SGIP1: variants seen among roughly 807,000 people sequenced by gnomAD.
SGIP1 encodes SH3-containing GRB2-like protein 3-interacting protein 1.
In SGIP1, 38 loss-of-function variants were observed where a neutral mutation model predicts 107.5. The observed-to-expected ratio is 0.35, with a 90% CI of 0.27 to 0.46. The LOEUF is 0.46. Among genes scored for constraint, SGIP1 ranks in the 20% least tolerant of loss-of-function variants. The probability of loss-of-function intolerance (pLI) is 1.00; values close to 1 mark genes in which losing one functional copy is unlikely to be tolerated. For missense variants in SGIP1, 929 were observed against 1,019.5 expected (o/e 0.91, Z 1.21); for synonymous variants, 365 against 366.1 (o/e 1.00, Z 0.03).
rs190011170 is a variant in SGIP1 at position 66,551,143 on chromosome 1, A to G, written c.10+16775A>G. 2.6e-5 allele frequency among the ~76,000 whole-genome samples: 4 copies of G among 152,260 alleles called. No homozygotes were observed. In the East Asian group the frequency reaches 7.7e-4, roughly 29 times the overall value. ...CAAATGATGAAGAGGTAATGAAACT[A>G]TTATTAAGGATGCCTTTGTTCTGGT... On this transcript the variant is annotated intron_variant, in intron 1 of 24. Coordinates refer to ENST00000371037, the MANE Select transcript of SGIP1 (RefSeq NM_032291.4).
intron 8 of SGIP1, among the ~76,000 whole-genome samples, chr1:66,665,236 C>T (rs566527797): frequency 6.6e-6 from 1 of 152,202 alleles, no homozygotes; most frequent in East Asian, 1.9e-4. Context: ...GGTTTTCTGT[C>T]CTTGCGATAG....
intron 1 of SGIP1, among the ~76,000 whole-genome samples, chr1:66,619,899 A>C (rs570351667): frequency 2.0e-5 from 3 of 152,340 alleles, no homozygotes; most frequent in East Asian, 3.8e-4. Flanking sequence ...AATAAAATAA[A>C]ATAGAAATAA....
At chr1:66,661,059 A>G (rs982677738) in intron 8 of SGIP1, among the ~76,000 whole-genome samples, 1 of 152,172 alleles carries the variant, frequency 6.6e-6, no homozygotes, top group African/African-American at 2.4e-5. Flanking sequence ...TATAAAATGT[A>G]AATTACCTCC....
chr1:66,623,398 C>T (rs140845542), intron 1 of SGIP1, among the ~76,000 whole-genome samples: 170 of 152,138 alleles, frequency 1.1e-3, no homozygotes, highest in African/African-American at 3.9e-3. Context: ...TACAGGTGTG[C>T]ACCACCACTC....
At position 66,743,197 on chromosome 1, in the gene SGIP1, C is replaced by T. The variant is rs1337481218; in HGVS notation, c.*102C>T. On this transcript the variant is annotated 3_prime_UTR_variant, in exon 25 of 25. Coordinates refer to ENST00000371037, the MANE Select transcript of SGIP1 (RefSeq NM_032291.4). ...TGATGAAAACAAACCAATATCTGCA[C>T]TTGGGATATATCAGGTGGAAAGTCA... 1.0e-5 allele frequency: 12 copies of T among 1,186,852 alleles called. No individual in the cohort carries two copies. The highest frequency in any genetic ancestry group is 1.5e-5 in the Non-Finnish European group (12 of 811,422). The allele number at this position is 1,186,852 out of a possible 1,614,324, so 73.5% of individuals were successfully genotyped here. A position where few individuals can be genotyped will look rare whatever the true frequency, so the allele number is the denominator to read the frequency against.
In SGIP1 at chr1:66,743,875, G is replaced by A. The variant is rs146200423; in HGVS notation, c.*780G>A. The A allele has an allele frequency of 6.6e-6, 1 of 152,666 alleles. No individual in the cohort carries two copies. 9.5% of individuals were successfully genotyped at this position (152,666 alleles called of 1,614,324 possible). A position where few individuals can be genotyped will look rare whatever the true frequency, so the allele number is the denominator to read the frequency against. Reference sequence around the variant, plus strand: ...TTAAATTATAATCAAGAGTAAAGAAGATGTTGAAGTCTTAACTACTTGCCC... The same window carrying A: ...TTAAATTATAATCAAGAGTAAAGAAAATGTTGAAGTCTTAACTACTTGCCC... On this transcript the variant is annotated 3_prime_UTR_variant, in exon 25 of 25. Coordinates refer to ENST00000371037, the MANE Select transcript of SGIP1 (RefSeq NM_032291.4).
intron 1 of SGIP1, among the ~76,000 whole-genome samples, chr1:66,575,137 T>C (rs567586977): frequency 6.6e-6 from 1 of 152,250 alleles, no homozygotes; most frequent in Admixed American, 6.5e-5. Flanking sequence ...TGGTGTATAA[T>C]TTTGTCCTTC....
rs934877020 is a variant in SGIP1, at chr1:66,748,449, A to G, written c.*5354A>G. On this transcript the variant is annotated 3_prime_UTR_variant, in exon 25 of 25. Transcript: ENST00000371037. The stretch of plus-strand genomic sequence containing the variant: ...TGAGTTGACCATGGTGAACCTCTTG[A>G]TTGGCCCTCACATTTAATATCTGAT... The G allele has an allele frequency of 2.0e-5, 3 of 151,910 alleles. No individual in the cohort carries two copies. The highest frequency in any genetic ancestry group is 2.0e-4 in the Admixed American group (3 of 15,248). 9.4% of individuals were successfully genotyped at this position (151,910 alleles called of 1,614,324 possible). A position where few individuals can be genotyped will look rare whatever the true frequency, so the allele number is the denominator to read the frequency against.
At chr1:66,646,435 ATTAT>A (rs1490124949) in intron 7 of SGIP1, among the ~76,000 whole-genome samples, 1 of 152,222 alleles carries the variant, frequency 6.6e-6, no homozygotes, top group Non-Finnish European at 1.5e-5. Flanking sequence ...CAAATAATAA[ATTAT>A]TCATAACAAT....
chr1:66,672,484 A>G (rs1199410198), intron 11 of SGIP1, among the ~76,000 whole-genome samples: 1 of 152,182 alleles, frequency 6.6e-6, no homozygotes, highest in East Asian at 1.9e-4. Context: ...GCATTGTTTT[A>G]TAAAAAGACT....
At chr1:66,731,348 G>A (rs1039354447) in intron 20 of SGIP1, among the ~76,000 whole-genome samples, 1 of 152,048 alleles carries the variant, frequency 6.6e-6, no homozygotes, top group Non-Finnish European at 1.5e-5. Flanking sequence ...AATATGACTG[G>A]TGTCATAGTT....
At chr1:66,566,190 G>A (rs1425681465) in intron 1 of SGIP1, among the ~76,000 whole-genome samples, 1 of 151,914 alleles carries the variant, frequency 6.6e-6, no homozygotes, top group African/African-American at 2.4e-5. Context: ...TTTCCCTAGC[G>A]GTAAACAACC....
intron 1 of SGIP1, among the ~76,000 whole-genome samples, chr1:66,621,975 G>A (rs186742872): frequency 1.3e-3 from 202 of 152,286 alleles, no homozygotes; most frequent in Non-Finnish European, 2.3e-3. Context: ...GGTTTTTGAA[G>A]AAATCTGATG....
In SGIP1 at chr1:66,592,897, C is replaced by CTTTTT. The variant is rs35762612; in HGVS notation, c.11-32924_11-32920dup. 2.4e-3 allele frequency among the ~76,000 whole-genome samples: 133 copies of CTTTTT among 56,342 alleles called. 3 individuals are homozygous for CTTTTT. The highest frequency in any genetic ancestry group is 4.8e-3 in the African/African-American group (56 of 11,630). The allele number at this position is 56,342 out of a possible 152,430, so 37.0% of individuals were successfully genotyped here. On this transcript the variant is annotated intron_variant, in intron 1 of 24. Transcript: ENST00000371037. ...CTTTCCTTCTTTCTTTCTTCTTCTTCTTTTTTTTTTTTTTTTTTTTTTTTT... is the reference window on the plus strand; with the variant it reads ...CTTTCCTTCTTTCTTTCTTCTTCTTCTTTTTTTTTTTTTTTTTTTTTTTTTTTTTT...
intron 19 of SGIP1, among the ~76,000 whole-genome samples, chr1:66,728,662 T>C (rs2093869881): frequency 6.6e-6 from 1 of 152,220 alleles, no homozygotes; most frequent in Non-Finnish European, 1.5e-5. Context: ...GGTATGTTCA[T>C]TGCAGTACTC....
At chr1:66,695,407 A>C (rs2090717694) in intron 17 of SGIP1, 27 bp from the exon 18 acceptor site, 1 of 1,613,810 alleles carries the variant, frequency 6.2e-7, no homozygotes, top group South Asian at 1.1e-5. Context: ...AACCCTTCCC[A>C]TCCCGCTTCA....
intron 24 of SGIP1, among the ~76,000 whole-genome samples, chr1:66,741,900 T>C (rs1308564580): frequency 6.6e-6 from 1 of 152,030 alleles, no homozygotes; most frequent in African/African-American, 2.4e-5. Flanking sequence ...CCCGAGTAGC[T>C]GGGACTACAG....
At position 66,671,952 on chromosome 1, in the gene SGIP1, G is replaced by T; in HGVS notation, c.517G>T (p.Val173Leu). 1 of 1,614,066 alleles carries T rather than the reference G, an allele frequency of 6.2e-7. No homozygotes were observed. Among genetic ancestry groups the T allele is most frequent in the Non-Finnish European group, 8.5e-7 (1 of 1,179,956 alleles). Residue 173 changes from valine to leucine, a missense_variant, in exon 11 of 25, where the codon GTG (valine) becomes TTG (leucine). Physicochemically the swap from Val to Leu is conservative, Grantham distance 32. Transcript: ENST00000371037. ...TTTGTCCTGTGCATCAGGTGAAGAA[G>T]TGGCAAGACCCAGGCGTTCCACACC... ...AIKRNLSSEE[V>L]ARPRRSTPTP...
chr1:66,596,353 G>A (rs1377509446), intron 1 of SGIP1, among the ~76,000 whole-genome samples: 1 of 152,144 alleles, frequency 6.6e-6, no homozygotes, highest in Non-Finnish European at 1.5e-5. Flanking sequence ...CTACCAGAAG[G>A]CAGGAAAGTC....
Sources: gnomAD v4.1 joint callset for allele counts (sites outside exome capture counted in the v4.1 genomes callset) on GRCh38, gnomAD v4.1.1 for gene constraint, MANE v1.5 for transcripts, NCBI Gene and HGNC (gene_info 2026-07-23, HGNC 2026-07-21) for gene names.